RIC3: variants seen among roughly 807,000 people sequenced by gnomAD.
The protein encoded by RIC3 is protein RIC-3.
RIC3 carries 28 observed loss-of-function variants against 27.3 expected under a neutral mutation model. The observed-to-expected ratio is 1.02, with a 90% confidence interval of 0.76 to 1.41. The LOEUF (loss-of-function observed/expected upper bound fraction) is 1.41, where lower values mean the gene tolerates loss of function less well. Ranked by LOEUF, RIC3 falls within the 40% of genes most tolerant of loss-of-function variation. The pLI, the probability that RIC3 is intolerant of heterozygous loss-of-function variation, is 0.00. For synonymous variants in RIC3, 184 were observed against 160.4 expected, an observed-to-expected ratio of 1.15 and a Z score of -1.11; for missense variants, 501 against 444.7, an observed-to-expected ratio of 1.13 and a Z score of -1.14.
chr11:8,116,290 A>G, intron 5 of RIC3, among the ~76,000 whole-genome samples: 1 of 152,228 alleles, frequency 6.6e-6, no homozygotes, highest in Non-Finnish European at 1.5e-5. Flanking sequence ...CTCAAAATGC[A>G]CTGAAGACTT....
At chr11:8,151,585 CAAA>C (rs60087055) in intron 1 of RIC3, among the ~76,000 whole-genome samples, 1 of 61,698 alleles carries the variant, frequency 1.6e-5, no homozygotes, top group Admixed American at 1.8e-4. Context: ...AACTCCGTCT[CAAA>C]AAAAAAAAAA....
the RIC3 span, chr11:8,095,522 C>G: frequency 6.2e-7 from 1 of 1,611,850 alleles, no homozygotes; most frequent in Non-Finnish European, 8.5e-7. Flanking sequence ...GCAGCACTGG[C>G]AGAAGACAAG....
the RIC3 span, chr11:8,098,894 G>T: frequency 4.5e-6 from 7 of 1,566,142 alleles, no homozygotes; most frequent in Non-Finnish European, 6.2e-6. Context: ...TAGGTTCGGG[G>T]GTCTCTGATT....
In RIC3 at chr11:8,138,326, C is replaced by A. The variant is rs1385115627; in HGVS notation, c.373G>T (p.Ala125Ser). The change falls in exon 3 of 6, where the codon GCA (alanine) becomes TCA (serine). Residue 125 changes from alanine (A) to serine (S), a missense_variant. By Grantham distance (99) the Ala-to-Ser change is moderately conservative (BLOSUM62 1). Coordinates refer to ENST00000309737, the MANE Select transcript of RIC3 (RefSeq NM_001206671.4). ...GCAGTATAGCATTTCCCATCCTCTG[C>A]AGTTGTTTTCCCCTTTGAGAGCTGA... ...LFKLSKGKTTAEDGKCYTAMP... is the reference protein window; with the variant it reads ...LFKLSKGKTTSEDGKCYTAMP... 5 of 1,613,180 alleles carry A rather than the reference C, an allele frequency of 3.1e-6. No individual in the cohort carries two copies. The highest frequency in any genetic ancestry group is 3.4e-6 in the Non-Finnish European group (4 of 1,179,450).
intron 5 of RIC3, among the ~76,000 whole-genome samples, chr11:8,118,386 C>T (rs1163909473): frequency 4.0e-5 from 6 of 151,404 alleles, no homozygotes; most frequent in South Asian, 2.1e-4. Flanking sequence ...GAGATAAAGG[C>T]GTTAACATCA....
chr11:8,137,127 C>T (rs1479108620), intron 4 of RIC3, among the ~76,000 whole-genome samples: 1 of 152,142 alleles, frequency 6.6e-6, no homozygotes, highest in South Asian at 2.1e-4. Context: ...CAGGTTCAAG[C>T]GATTCTCCTG....
At chr11:8,101,675 CCTGT>C (rs1944314589), downstream of RIC3, 2 of 1,594,634 alleles carry the variant, frequency 1.3e-6, no homozygotes, top group Non-Finnish European at 1.7e-6. Context: ...TGCCTGCCTG[CCTGT>C]GGAGACAGCC....
rs1353037310 is a variant in RIC3 at position 8,140,190 on chromosome 11, T to A, written c.128A>T (p.Lys43Ile). 6.2e-7 allele frequency: 1 copy of A among 1,610,068 alleles called. No homozygotes were observed. The highest frequency in any genetic ancestry group is 2.2e-5 in the East Asian group (1 of 44,838). Residue 43 changes from lysine to isoleucine, a missense_variant, in exon 2 of 6, where the codon AAA (lysine) becomes ATA (isoleucine). Physicochemically the swap from Lys to Ile is moderately radical, Grantham distance 102 (BLOSUM62 -3). Coordinates refer to ENST00000309737, the MANE Select transcript of RIC3 (RefSeq NM_001206671.4). ...RQEPPPTPEG[K>I]LGRFPPMMHH... Reference sequence around the variant, plus strand: ...CATCATAGGTGGAAATCGGCCCAATTTTCCTGAGAAAATAATAATCACTTT... The same window carrying A: ...CATCATAGGTGGAAATCGGCCCAATATTCCTGAGAAAATAATAATCACTTT...
chr11:8,168,373 C>A (rs907404902), intron 1 of RIC3, among the ~76,000 whole-genome samples: 2 of 152,102 alleles, frequency 1.3e-5, no homozygotes, highest in Admixed American at 6.6e-5. Context: ...ACAAGAAGAG[C>A]CTGAAGCAGT....
chr11:8,161,769 G>A (rs1333593545), intron 1 of RIC3, among the ~76,000 whole-genome samples: 1 of 152,184 alleles, frequency 6.6e-6, no homozygotes. Context: ...ACGTTAGGAG[G>A]CTGAGGTGGG....
intron 1 of RIC3, among the ~76,000 whole-genome samples, chr11:8,155,116 G>C (rs535150315): frequency 6.6e-6 from 1 of 151,478 alleles, no homozygotes; most frequent in South Asian, 2.1e-4. Context: ...AGCTACTCAG[G>C]AGGCTGAGGC....
chr11:8,150,919 G>A (rs1348228291), intron 1 of RIC3, among the ~76,000 whole-genome samples: 1 of 152,170 alleles, frequency 6.6e-6, no homozygotes, highest in Admixed American at 6.5e-5. Flanking sequence ...TAAGTGGTGT[G>A]GGGACAGGTA....
chr11:8,119,742 A>C (rs1233207811), intron 5 of RIC3, among the ~76,000 whole-genome samples: 1 of 152,228 alleles, frequency 6.6e-6, no homozygotes. Flanking sequence ...AGAAACTACC[A>C]TCAGAGTGAA....
At chr11:8,114,665 A>C (rs1945653707) in intron 5 of RIC3, among the ~76,000 whole-genome samples, 1 of 151,992 alleles carries the variant, frequency 6.6e-6, no homozygotes, top group African/African-American at 2.4e-5. Context: ...CTGACAAAGA[A>C]TTCAAGATAA....
At chr11:8,118,751 G>C (rs1260849335) in intron 5 of RIC3, among the ~76,000 whole-genome samples, 6 of 151,642 alleles carry the variant, frequency 4.0e-5, no homozygotes, top group Non-Finnish European at 8.8e-5. Flanking sequence ...GGCACCTGTA[G>C]TCCCAGCTAC....
intron 4 of RIC3, among the ~76,000 whole-genome samples, chr11:8,134,082 G>C (rs999151612): frequency 1.3e-5 from 2 of 151,788 alleles, no homozygotes; most frequent in Non-Finnish European, 2.9e-5. Context: ...TGCCATGTTG[G>C]TGTGCTGCAC....
At chr11:8,100,681 A>G in the RIC3 span, 121,403 of 1,503,226 alleles carry the variant, frequency 0.081, 5,911 homozygotes, top group Non-Finnish European at 0.097. Context: ...ACTCCAGCTG[A>G]TGTGTGTATG....
In RIC3 at chr11:8,139,985, T is replaced by G; in HGVS notation, c.333A>C (p.Ile111=). The change falls in exon 2 of 6, where the codon ATA becomes ATC. Residue 111 remains isoleucine, a synonymous_variant. Transcript: ENST00000309737. Reference sequence around the variant, plus strand: ...TACTTACCTTAAATAGAATGTACAGTATATATAAAAAAATCCCAAAACCGT... The same window carrying G: ...TACTTACCTTAAATAGAATGTACAGGATATATAAAAAAATCCCAAAACCGT... ...PIYGFGIFLY[I]LYILFKLSKG... is the part of the protein sequence containing the mutation. 1 of 1,613,788 alleles carries G rather than the reference T, an allele frequency of 6.2e-7. No homozygotes were observed. Among genetic ancestry groups the G allele is most frequent in the Non-Finnish European group, 8.5e-7 (1 of 1,179,774 alleles).
intron 1 of RIC3, among the ~76,000 whole-genome samples, chr11:8,151,676 G>C (rs1173676570): frequency 6.6e-6 from 1 of 151,510 alleles, no homozygotes; most frequent in African/African-American, 2.4e-5. Flanking sequence ...CACTTTGGGA[G>C]GCTGAGGTGG....
Sources: allele counts gnomAD v4.1 joint callset (sites outside exome capture counted in the v4.1 genomes callset), GRCh38; gene constraint gnomAD v4.1.1; transcripts MANE v1.5; gene names NCBI Gene and HGNC (gene_info 2026-07-23, HGNC 2026-07-21).